Variants in RNLS observed in about 807,000 individuals in gnomAD.
The protein encoded by RNLS is renalase, FAD dependent amine oxidase.
A neutral mutation model predicts 39.8 loss-of-function variants in RNLS; 39 were observed. The ratio of observed to expected loss-of-function variants is 0.98; its 90% CI spans 0.76 to 1.28. RNLS has a LOEUF of 1.28. RNLS is among the 50% of genes most tolerant of loss of function. The pLI, the probability that RNLS is intolerant of heterozygous loss-of-function variation, is 0.00. For missense variants in RNLS, 410 were observed against 413.3 expected, an observed-to-expected ratio of 0.99 and a Z score of 0.07; for synonymous variants, 147 against 150.7, an observed-to-expected ratio of 0.98 and a Z score of 0.18.
chr10:88,301,662 C>T (rs1051119929), intron 6 of RNLS, among the ~76,000 whole-genome samples: 3 of 152,148 alleles, frequency 2.0e-5, no homozygotes, highest in African/African-American at 7.2e-5. Flanking sequence ...AACAACAAAC[C>T]AACTGGCAAG....
downstream of RNLS, among the ~76,000 whole-genome samples, chr10:88,279,288 A>G (rs1278561897): frequency 6.6e-6 from 1 of 152,188 alleles, no homozygotes; most frequent in East Asian, 1.9e-4. Context: ...CGGCTATCAA[A>G]GGGGATTATT....
chr10:88,309,011 T>C (rs1845146703), intron 6 of RNLS, among the ~76,000 whole-genome samples: 1 of 152,154 alleles, frequency 6.6e-6, no homozygotes, highest in Non-Finnish European at 1.5e-5. Context: ...CTTAGCAAAC[T>C]AATGCGGGAA....
downstream of RNLS, among the ~76,000 whole-genome samples, chr10:88,279,585 G>C (rs1214484236): frequency 9.4e-6 from 1 of 105,850 alleles, no homozygotes; most frequent in South Asian, 3.2e-4. Context: ...CCAGGGACAG[G>C]AAATGAATCT....
Position 88,519,702 on chromosome 10 carries a change from CTGATATATATCACATATATA to C in RNLS, c.526+53181_526+53200del, listed in dbSNP as rs572338693. On this transcript the variant is annotated intron_variant, in intron 4 of 6. Coordinates refer to ENST00000331772, the MANE Select transcript of RNLS (RefSeq NM_001031709.3). Reference sequence around the variant, plus strand: ...CACTGCCAGCTACATAGATATATATCTGATATATATCACATATATATGATATATATCACATATATATGATA... The same window carrying C: ...CACTGCCAGCTACATAGATATATATCTGATATATATCACATATATATGATA... Among the ~76,000 whole-genome samples, 1,451 of 148,142 alleles carry C rather than the reference CTGATATATATCACATATATA, an allele frequency of 9.8e-3. 17 individuals carry two copies. Among genetic ancestry groups the C allele is most frequent in the African/African-American group, 0.031 (1,239 of 40,430 alleles).
At chr10:88,543,106 T>C (rs568759523) in intron 4 of RNLS, among the ~76,000 whole-genome samples, 6 of 152,254 alleles carry the variant, frequency 3.9e-5, no homozygotes, top group African/African-American at 1.4e-4. Flanking sequence ...ACCTTTCTAC[T>C]CTTTCCCCTT....
chr10:88,512,824 T>TA (rs1033907782), intron 4 of RNLS, among the ~76,000 whole-genome samples: 1 of 152,304 alleles, frequency 6.6e-6, no homozygotes, highest in African/African-American at 2.4e-5. Context: ...CTCCTCTCAT[T>TA]ACTGGCAGTG....
chr10:88,560,880 A>T (rs74440120), intron 4 of RNLS, among the ~76,000 whole-genome samples: 4,430 of 151,890 alleles, frequency 0.029, 79 homozygotes, highest in Non-Finnish European at 0.048. Context: ...TACCACCAAG[A>T]AGTCAGTCTT....
chr10:88,423,857 A>C (rs1854552017), intron 4 of RNLS, among the ~76,000 whole-genome samples: 1 of 152,146 alleles, frequency 6.6e-6, no homozygotes, highest in Admixed American at 6.5e-5. Context: ...ACTCTCAGCA[A>C]TCCACTACAG....
chr10:88,520,051 G>A (rs1318102293), intron 4 of RNLS, among the ~76,000 whole-genome samples: 2 of 151,938 alleles, frequency 1.3e-5, no homozygotes, highest in Non-Finnish European at 2.9e-5. Context: ...ATATGTAGAA[G>A]TTACTCTGTG....
chr10:88,492,102 T>C lies in RNLS; in HGVS notation c.526+80801A>G, dbSNP rs190397249. On this transcript the variant is annotated intron_variant, in intron 4 of 6. Transcript: ENST00000331772. ...CTGCTTTACAGCAGAGTCATTCATA[T>C]AGTAACACGTGTTACATATTTTGAG... Among the ~76,000 whole-genome samples, 223 of 152,264 alleles carry C rather than the reference T, an allele frequency of 1.5e-3. 3 individuals are homozygous for C. The highest frequency in any genetic ancestry group is 2.8e-4 in the Non-Finnish European group (19 of 68,012).
rs571386690 is a variant in RNLS, at chr10:88,525,705, G to A, written c.526+47198C>T. Among the ~76,000 whole-genome samples, 54 of 152,210 alleles carry A rather than the reference G, an allele frequency of 3.5e-4. No homozygotes were observed. In the South Asian group the frequency reaches 8.7e-3, roughly 25 times the overall value. ...TTACAAATAGATATTCACCCACAAA[G>A]GAGAATAATTCAGGTCAAGTAGGTG... On this transcript the variant is annotated intron_variant, in intron 4 of 6. Coordinates refer to ENST00000331772, the MANE Select transcript of RNLS (RefSeq NM_001031709.3).
chr10:88,200,464 T>A, the RNLS span, among the ~76,000 whole-genome samples: 2 of 152,216 alleles, frequency 1.3e-5, no homozygotes, highest in Non-Finnish European at 2.9e-5. Flanking sequence ...CCAGTCTAGG[T>A]GATTCCAGAG....
chr10:88,514,094 A>G (rs1846285435), intron 4 of RNLS, among the ~76,000 whole-genome samples: 3 of 151,988 alleles, frequency 2.0e-5, no homozygotes, highest in Admixed American at 1.3e-4. Flanking sequence ...CACTGCAATA[A>G]ACAACTGCCC....
rs1843145846 is a variant in RNLS at position 88,284,631 on chromosome 10, A to G, written c.*723T>C. 1 of 985,120 alleles carries G rather than the reference A, an allele frequency of 1.0e-6. No homozygotes were observed. The highest frequency in any genetic ancestry group is 1.2e-6 in the Non-Finnish European group (1 of 829,766). 61.0% of individuals were successfully genotyped at this position (985,120 alleles called of 1,614,324 possible). A position where few individuals can be genotyped will look rare whatever the true frequency, so the allele number is the denominator to read the frequency against. On this transcript the variant is annotated 3_prime_UTR_variant, in exon 7 of 7. Coordinates refer to ENST00000331772, the MANE Select transcript of RNLS (RefSeq NM_001031709.3). ...ACAGCTATAAAATATAGCAAAAGGT[A>G]AGGATCGATATACTTTCTCTCTGTT... is the stretch of plus-strand genomic sequence containing the variant.
At chr10:88,434,010 T>G (rs1855297720) in intron 4 of RNLS, among the ~76,000 whole-genome samples, 1 of 152,176 alleles carries the variant, frequency 6.6e-6, no homozygotes, top group Admixed American at 6.6e-5. Context: ...TCTACCAGAC[T>G]CCCCAGTTGA....
chr10:88,419,485 G>A (rs1371309285), intron 4 of RNLS, among the ~76,000 whole-genome samples: 1 of 152,138 alleles, frequency 6.6e-6, no homozygotes, highest in Non-Finnish European at 1.5e-5. Context: ...AGGAAAACAA[G>A]ACTGATTCAA....
In RNLS at chr10:88,285,307, G is replaced by C. The variant is rs758122407; in HGVS notation, c.*47C>G. The C allele has an allele frequency of 1.9e-5, 27 of 1,440,410 alleles. No homozygotes were observed. The South Asian group carries it at 4.3e-4, about 23-fold the overall frequency. 89.2% of individuals were successfully genotyped at this position (1,440,410 alleles called of 1,614,324 possible). On this transcript the variant is annotated 3_prime_UTR_variant, in exon 7 of 7. Coordinates refer to ENST00000331772, the MANE Select transcript of RNLS (RefSeq NM_001031709.3). ...ACAAAATAATCAATAACAGAAAATTGTGAAAATAAAAACCCAATACACATG... is the reference window on the plus strand; with the variant it reads ...ACAAAATAATCAATAACAGAAAATTCTGAAAATAAAAACCCAATACACATG...
the RNLS span, among the ~76,000 whole-genome samples, chr10:88,226,591 T>C: frequency 6.6e-6 from 1 of 152,210 alleles, no homozygotes; most frequent in African/African-American, 2.4e-5. Context: ...AATTTGTTTT[T>C]ACTCTACATA....
At chr10:88,398,205 C>A (rs979033668) in intron 4 of RNLS, among the ~76,000 whole-genome samples, 1 of 152,040 alleles carries the variant, frequency 6.6e-6, no homozygotes, top group South Asian at 2.1e-4. Context: ...CCAGGATCAA[C>A]AAGAGGCAGA....
Sources: gnomAD v4.1 joint callset for allele counts (sites outside exome capture counted in the v4.1 genomes callset) on GRCh38, gnomAD v4.1.1 for gene constraint, MANE v1.5 for transcripts, NCBI Gene and HGNC (gene_info 2026-07-23, HGNC 2026-07-21) for gene names.